CDK14: variants seen among roughly 807,000 people sequenced by gnomAD.
CDK14 encodes cyclin-dependent kinase 14.
Under a neutral mutation model 60.7 loss-of-function variants are expected in CDK14, and 34 were observed. The observed-to-expected ratio is 0.56, with a 90% confidence interval of 0.43 to 0.75. CDK14 has a LOEUF of 0.75. CDK14 is among the 30% of genes least tolerant of loss of function. CDK14 has a pLI of 0.00. For missense variants in CDK14, 482 were observed against 564.1 expected, an observed-to-expected ratio of 0.85 and a Z score of 1.47; for synonymous variants, 197 against 203.7, an observed-to-expected ratio of 0.97 and a Z score of 0.28.
intron 5 of CDK14, among the ~76,000 whole-genome samples, chr7:90,818,006 A>T (rs1789412412): frequency 6.6e-6 from 1 of 152,158 alleles, no homozygotes; most frequent in African/African-American, 2.4e-5. Flanking sequence ...CTGACTCTTA[A>T]AGCACAGCTC....
intron 10 of CDK14, among the ~76,000 whole-genome samples, chr7:91,018,791 G>A (rs1796366114): frequency 6.6e-6 from 1 of 152,142 alleles, no homozygotes; most frequent in Non-Finnish European, 1.5e-5. Context: ...CTCCATGATT[G>A]TGAATTTTCT....
At chr7:91,057,447 T>C (rs1338689997) in intron 11 of CDK14, among the ~76,000 whole-genome samples, 2 of 152,014 alleles carry the variant, frequency 1.3e-5, no homozygotes, top group East Asian at 1.9e-4. Context: ...TTGTTGCCAT[T>C]GCTTTTGGTG....
chr7:90,827,849 T>C (rs1047453965), intron 5 of CDK14, among the ~76,000 whole-genome samples: 4 of 152,224 alleles, frequency 2.6e-5, no homozygotes, highest in African/African-American at 9.6e-5. Context: ...CTTCTCCATG[T>C]GATAGCTTAA....
chr7:90,729,012 G>C (rs1275339969), intron 3 of CDK14, among the ~76,000 whole-genome samples: 1 of 151,272 alleles, frequency 6.6e-6, no homozygotes, highest in East Asian at 1.9e-4. Context: ...GGACCCTTCA[G>C]TTCTCTATGC....
At chr7:90,863,686 GTGTGTGTGTGTT>G (rs1376901846) in intron 6 of CDK14, among the ~76,000 whole-genome samples, 17 of 151,422 alleles carry the variant, frequency 1.1e-4, no homozygotes, top group Admixed American at 2.0e-4. Context: ...GTGTGTGTGT[GTGTGTGTGTGTT>G]TGTGTGTGTG....
intron 2 of CDK14, among the ~76,000 whole-genome samples, chr7:90,666,124 T>G (rs1800974910): frequency 1.3e-5 from 2 of 152,228 alleles, no homozygotes; most frequent in Admixed American, 6.5e-5. Flanking sequence ...AGGTGGTTAC[T>G]CTTGGTTTCC....
chr7:91,025,198 A>T (rs1047377415), intron 10 of CDK14, among the ~76,000 whole-genome samples: 1 of 152,132 alleles, frequency 6.6e-6, no homozygotes, highest in Non-Finnish European at 1.5e-5. Context: ...GTTTTATATT[A>T]TGAATGCACC....
At chr7:90,642,760 AT>A (rs939145898) in intron 2 of CDK14, among the ~76,000 whole-genome samples, 59 of 148,472 alleles carry the variant, frequency 4.0e-4, no homozygotes, top group African/African-American at 1.2e-3. Context: ...TCTCATTTAC[AT>A]TTTTTTTTTA....
At chr7:90,771,672 T>A (rs1308795253) in intron 4 of CDK14, among the ~76,000 whole-genome samples, 1 of 152,140 alleles carries the variant, frequency 6.6e-6, no homozygotes, top group Non-Finnish European at 1.5e-5. Context: ...AAGAACCAAT[T>A]GGGGGCTGAA....
At chr7:90,912,379 TTTGA>T (rs146619670) in intron 7 of CDK14, among the ~76,000 whole-genome samples, 1,593 of 152,268 alleles carry the variant, frequency 0.01, 25 homozygotes, top group African/African-American at 0.035. Context: ...ATAAAAGCAC[TTTGA>T]TTGTATTGGG....
At chr7:91,033,322 G>A (rs1270670206) in intron 10 of CDK14, among the ~76,000 whole-genome samples, 1 of 152,170 alleles carries the variant, frequency 6.6e-6, no homozygotes, top group African/African-American at 2.4e-5. Context: ...CACAGAACTT[G>A]AAATTGCCCT....
At chr7:90,805,423 A>T (rs989417843) in intron 5 of CDK14, among the ~76,000 whole-genome samples, 1 of 121,460 alleles carries the variant, frequency 8.2e-6, no homozygotes, top group African/African-American at 3.1e-5. Flanking sequence ...TTGAATAGAA[A>T]GGAATTTTCT....
chr7:90,624,218 T>A (rs914319125), intron 2 of CDK14, among the ~76,000 whole-genome samples: 4 of 152,136 alleles, frequency 2.6e-5, no homozygotes, highest in African/African-American at 9.7e-5. Context: ...CCTCTCACCC[T>A]CACCCCCTTA....
intron 1 of CDK14, among the ~76,000 whole-genome samples, chr7:90,603,844 G>A (rs908065366): frequency 3.9e-5 from 6 of 152,114 alleles, no homozygotes; most frequent in Admixed American, 6.5e-5. Flanking sequence ...CTAACAATTG[G>A]TGATATCTTC....
At chr7:91,010,749 CTTCCTTCTTTCTTTCCTTCCTTCT>C (rs1796127953) in intron 10 of CDK14, among the ~76,000 whole-genome samples, 1 of 145,464 alleles carries the variant, frequency 6.9e-6, no homozygotes, top group Non-Finnish European at 1.5e-5. Context: ...TCCTTCTTTC[CTTCCTTCTTTCTTTCCTTCCTTCT>C]TTCCTTCCTT....
At chr7:90,690,920 A>G (rs1319367798) in intron 2 of CDK14, among the ~76,000 whole-genome samples, 1 of 152,188 alleles carries the variant, frequency 6.6e-6, no homozygotes, top group South Asian at 2.1e-4. Context: ...TAAGCAAATT[A>G]AAGTAAAACA....
chr7:90,966,514 AGT>A (rs1373028159), intron 9 of CDK14, among the ~76,000 whole-genome samples: 1 of 152,150 alleles, frequency 6.6e-6, no homozygotes, highest in African/African-American at 2.4e-5. Flanking sequence ...CTCAAAGCAG[AGT>A]GGAAAGGGGA....
chr7:91,172,122 A>G (rs1055053014), intron 14 of CDK14, among the ~76,000 whole-genome samples: 1 of 152,236 alleles, frequency 6.6e-6, no homozygotes, highest in African/African-American at 2.4e-5. Context: ...GGTTAAATGC[A>G]GTGATAAATT....
At chr7:90,709,388 A>C (rs1041635693) in intron 2 of CDK14, 2 of 1,382,976 alleles carry the variant, frequency 1.4e-6, no homozygotes, top group Admixed American at 3.4e-5. Flanking sequence ...TGAATTGAGC[A>C]TGATGAGGTG....
Sources: allele counts gnomAD v4.1 joint callset (sites outside exome capture counted in the v4.1 genomes callset), GRCh38; gene constraint gnomAD v4.1.1; transcripts MANE v1.5; gene names NCBI Gene and HGNC (gene_info 2026-07-23, HGNC 2026-07-21).